The following TMEM117 variants were observed in gnomAD, a reference collection of about 807,000 sequenced individuals.
TMEM117 encodes transmembrane protein 117.
Under a neutral mutation model 52.4 loss-of-function variants are expected in TMEM117, and 27 were observed. The ratio of observed to expected loss-of-function variants is 0.51; its 90% CI spans 0.38 to 0.71. The LOEUF (loss-of-function observed/expected upper bound fraction) is 0.71, where lower values mean the gene tolerates loss of function less well. Among genes scored for constraint, TMEM117 ranks in the 30% least tolerant of loss-of-function variants. TMEM117 has a pLI of 0.00. For synonymous variants in TMEM117, 215 were observed against 206.3 expected (o/e 1.04, Z -0.36); for missense variants, 556 against 630.5 (o/e 0.88, Z 1.26).
chr12:44,175,902 G>A (rs1281089977), intron 4 of TMEM117, among the ~76,000 whole-genome samples: 1 of 152,142 alleles, frequency 6.6e-6, no homozygotes, highest in African/African-American at 2.4e-5. Flanking sequence ...TTGTTGATAT[G>A]TAGGAAGTCA....
At chr12:43,982,870 G>T (rs1338045276) in intron 3 of TMEM117, among the ~76,000 whole-genome samples, 3 of 152,130 alleles carry the variant, frequency 2.0e-5, no homozygotes, top group Non-Finnish European at 2.9e-5. Context: ...AAGGTATTTT[G>T]ACCCCTTCCA....
the TMEM117 span, among the ~76,000 whole-genome samples, chr12:43,826,405 C>A: frequency 3.9e-5 from 6 of 152,210 alleles, no homozygotes; most frequent in African/African-American, 1.4e-4. Flanking sequence ...ATCTACTCCC[C>A]ATATTTCCAA....
chr12:44,148,961 C>T (rs987649815), intron 4 of TMEM117, among the ~76,000 whole-genome samples: 11 of 152,108 alleles, frequency 7.2e-5, no homozygotes, highest in Non-Finnish European at 1.5e-4. Flanking sequence ...ATTAACCCTG[C>T]TTTGCTCCTC....
At chr12:44,094,936 G>A (rs143121000) in intron 3 of TMEM117, among the ~76,000 whole-genome samples, 1 of 152,164 alleles carries the variant, frequency 6.6e-6, no homozygotes, top group East Asian at 1.9e-4. Flanking sequence ...ATTTGGCATT[G>A]TTTCATACGT....
chr12:44,080,037 A>G (rs1209030994), intron 3 of TMEM117, among the ~76,000 whole-genome samples: 2 of 147,452 alleles, frequency 1.4e-5, no homozygotes, highest in South Asian at 2.2e-4. Context: ...AAAAAAAAAG[A>G]GTGCATATGG....
intron 4 of TMEM117, among the ~76,000 whole-genome samples, chr12:44,207,821 T>A (rs1423480238): frequency 1.3e-5 from 2 of 151,650 alleles, no homozygotes; most frequent in African/African-American, 4.9e-5. Context: ...AAAAACCTAC[T>A]AAGAAATATA....
chr12:44,033,746 A>C (rs1451808988), intron 3 of TMEM117, among the ~76,000 whole-genome samples: 2 of 152,178 alleles, frequency 1.3e-5, no homozygotes, highest in Non-Finnish European at 2.9e-5. Context: ...ATCATCTTCA[A>C]AGTTTTTTCT....
upstream of TMEM117, among the ~76,000 whole-genome samples, chr12:43,834,223 T>C (rs549580549): frequency 4.6e-5 from 7 of 152,342 alleles, no homozygotes; most frequent in Admixed American, 3.3e-4. Context: ...AAGGAAAATA[T>C]AGCATATGGA....
At chr12:44,311,604 A>G (rs1313731478) in intron 6 of TMEM117, among the ~76,000 whole-genome samples, 4 of 151,730 alleles carry the variant, frequency 2.6e-5, no homozygotes, top group Non-Finnish European at 4.4e-5. Context: ...CAGCTGCCAC[A>G]GCCAACAGAA....
chr12:43,993,263 G>T (rs1440870821), intron 3 of TMEM117, among the ~76,000 whole-genome samples: 1 of 152,160 alleles, frequency 6.6e-6, no homozygotes, highest in East Asian at 1.9e-4. Context: ...TAAAATGGAT[G>T]TTATAGTAAC....
chr12:44,352,616 G>A (rs2138783698), intron 6 of TMEM117, among the ~76,000 whole-genome samples: 1 of 152,222 alleles, frequency 6.6e-6, no homozygotes, highest in African/African-American at 2.4e-5. Context: ...CCCTACAAAG[G>A]ACATGAACTC....
At chr12:44,258,875 T>C (rs1950290318) in intron 5 of TMEM117, among the ~76,000 whole-genome samples, 2 of 152,166 alleles carry the variant, frequency 1.3e-5, no homozygotes, top group Admixed American at 1.3e-4. Context: ...TAGCTACATA[T>C]AGCTACTGAG....
At chr12:44,137,340 A>C (rs1338867600) in intron 3 of TMEM117, among the ~76,000 whole-genome samples, 2 of 152,102 alleles carry the variant, frequency 1.3e-5, no homozygotes, top group Non-Finnish European at 2.9e-5. Context: ...TGGGACAATA[A>C]AGAGAGCATT....
intron 2 of TMEM117, among the ~76,000 whole-genome samples, chr12:43,913,817 A>G (rs1370052724): frequency 6.6e-6 from 1 of 152,206 alleles, no homozygotes; most frequent in Non-Finnish European, 1.5e-5. Flanking sequence ...CACTTTCATC[A>G]TGGCAGAATA....
chr12:43,866,186 G>A (rs985552448), intron 2 of TMEM117, among the ~76,000 whole-genome samples: 3 of 151,756 alleles, frequency 2.0e-5, no homozygotes, highest in Admixed American at 1.3e-4. Flanking sequence ...TTCACATAGG[G>A]GAATGATGAT....
chr12:43,906,367 G>A (rs1202161633), intron 2 of TMEM117, among the ~76,000 whole-genome samples: 1 of 151,962 alleles, frequency 6.6e-6, no homozygotes, highest in Non-Finnish European at 1.5e-5. Context: ...GGAGGCTGAG[G>A]CAGGAGGATC....
rs114147523 is a variant in TMEM117, at chr12:43,964,662, G to A, written c.410+20320G>A. Among the ~76,000 whole-genome samples the A allele has an allele frequency of 7.0e-3, 1,066 of 152,264 alleles. 11 individuals carry two copies. The highest frequency in any genetic ancestry group is 0.023 in the African/African-American group (963 of 41,532). The stretch of plus-strand genomic sequence containing the variant: ...ATAAGTGTGCAATAATTGAACAGAG[G>A]AGAAATCTATTTCATGAGGAAGGTA... On this transcript the variant is annotated intron_variant, in intron 3 of 7. Transcript: ENST00000266534.
At chr12:44,354,904 A>G (rs1181318964) in intron 6 of TMEM117, among the ~76,000 whole-genome samples, 2 of 152,096 alleles carry the variant, frequency 1.3e-5, no homozygotes, top group South Asian at 4.1e-4. Flanking sequence ...TCACAGGAAG[A>G]AATTTTATAT....
intron 2 of TMEM117, among the ~76,000 whole-genome samples, chr12:43,883,820 A>C (rs1488286582): frequency 6.6e-6 from 1 of 152,056 alleles, no homozygotes; most frequent in Admixed American, 6.5e-5. Context: ...AAGCAACTCT[A>C]TTCTAAGGGA....
Sources: gnomAD v4.1 joint callset for allele counts (sites outside exome capture counted in the v4.1 genomes callset) on GRCh38, gnomAD v4.1.1 for gene constraint, MANE v1.5 for transcripts, NCBI Gene and HGNC (gene_info 2026-07-23, HGNC 2026-07-21) for gene names.